Variants in TDP1 observed in about 807,000 individuals in gnomAD.
The protein encoded by TDP1 is tyrosyl-DNA phosphodiesterase 1.
A neutral mutation model predicts 81.5 loss-of-function variants in TDP1; 64 were observed. The observed-to-expected ratio is 0.79, with a 90% confidence interval of 0.64 to 0.97. The LOEUF is 0.97. Ranked by LOEUF, TDP1 falls within the 50% of genes least tolerant of loss-of-function variation. The probability of loss-of-function intolerance (pLI) is 0.00; values close to 1 mark genes in which losing one functional copy is unlikely to be tolerated. For synonymous variants in TDP1, 256 were observed against 264.3 expected, an observed-to-expected ratio of 0.97 and a Z score of 0.30; for missense variants, 723 against 743.8, an observed-to-expected ratio of 0.97 and a Z score of 0.33.
At position 89,961,938 on chromosome 14, in the gene TDP1, G is replaced by T. The variant is rs572616337; in HGVS notation, c.-7-1170G>T. On this transcript the variant is annotated intron_variant, in intron 2 of 16. Coordinates refer to ENST00000335725, the MANE Select transcript of TDP1 (RefSeq NM_018319.4). ...GTTTTGTAATTTTCCCCTGGGTCTT[G>T]TGCTAAAATGTTAAAAGTATCACAT... Among the ~76,000 whole-genome samples the T allele has an allele frequency of 6.6e-5, 10 of 152,264 alleles. No individual in the cohort carries two copies. In the South Asian group the frequency reaches 2.1e-3, roughly 32 times the overall value.
At chr14:89,998,424 GTATGTATGTATGTATGTA>G (rs1896891246) in intron 14 of TDP1, among the ~76,000 whole-genome samples, 1 of 78,534 alleles carries the variant, frequency 1.3e-5, no homozygotes, top group African/African-American at 6.3e-5. Flanking sequence ...ATATATATAT[GTATGTATGTATGTATGTA>G]TATGTATATG....
rs1473315152 is a variant in TDP1 at position 89,963,427 on chromosome 14, G to A, written c.313G>A (p.Ala105Thr). 3 of 1,614,022 alleles carry A rather than the reference G, an allele frequency of 1.9e-6. No homozygotes were observed. Among genetic ancestry groups the A allele is most frequent in the South Asian group, 2.2e-5 (2 of 91,082 alleles). The change falls in exon 3 of 17, where the codon GCT becomes ACT. Residue 105 changes from alanine to threonine, a missense_variant. Transcript: ENST00000335725. ...ELQPEMPQKQ[A>T]EKVVIKKEKD... ...GCAACCAGAAATGCCGCAGAAGCAG[G>A]CTGAGAAAGTGGTGATCAAAAAGGA...
At chr14:90,009,806 T>TGAACA (rs535547114) in intron 14 of TDP1, among the ~76,000 whole-genome samples, 1 of 152,166 alleles carries the variant, frequency 6.6e-6, no homozygotes, top group Non-Finnish European at 1.5e-5. Flanking sequence ...GATAAATTGA[T>TGAACA]GAACAGAACA....
chr14:90,019,354 A>G lies in TDP1; in HGVS notation c.1580A>G (p.Lys527Arg). Residue 527 changes from lysine to arginine, a missense_variant, in exon 15 of 17, where the codon AAG becomes AGG. Coordinates refer to ENST00000335725, the MANE Select transcript of TDP1 (RefSeq NM_018319.4). ...LSKAAWGALE[K>R]NGTQLMIRSY... ...AAGGCTGCCTGGGGAGCATTGGAGAAGAATGGCACCCAGCTGATGATCCGC... is the reference window on the plus strand; with the variant it reads ...AAGGCTGCCTGGGGAGCATTGGAGAGGAATGGCACCCAGCTGATGATCCGC... 6.2e-7 allele frequency: 1 copy of G among 1,613,240 alleles called. No individual in the cohort carries two copies. The highest frequency in any genetic ancestry group is 8.5e-7 in the Non-Finnish European group (1 of 1,179,264).
At chr14:90,005,823 T>C (rs748975846) in intron 14 of TDP1, among the ~76,000 whole-genome samples, 1 of 152,254 alleles carries the variant, frequency 6.6e-6, no homozygotes, top group Admixed American at 6.5e-5. Context: ...CTATTAAATA[T>C]ATACTCAAAT....
chr14:89,958,691 G>C (rs1566836850), intron 2 of TDP1, among the ~76,000 whole-genome samples: 2 of 152,236 alleles, frequency 1.3e-5, no homozygotes, highest in Admixed American at 6.5e-5. Flanking sequence ...CAAGTGGGAA[G>C]AGGGGTTATC....
In TDP1 at chr14:89,979,068, T is replaced by G. The variant is rs542505109; in HGVS notation, c.792-1472T>G. ...TTTTTTTGCCATGTGTGAATTGAGT[T>G]TCATCAGTAAGTATTAAGTAGCATT... On this transcript the variant is annotated intron_variant, in intron 7 of 16. Transcript: ENST00000335725. Among the ~76,000 whole-genome samples, 6 of 151,860 alleles carry G rather than the reference T, an allele frequency of 4.0e-5. No individual in the cohort carries two copies. In the East Asian group the frequency reaches 1.2e-3, roughly 29 times the overall value.
chr14:90,032,146 T>C (rs1887349453), intron 15 of TDP1, among the ~76,000 whole-genome samples: 2 of 152,180 alleles, frequency 1.3e-5, no homozygotes, highest in Non-Finnish European at 2.9e-5. Context: ...AGTCATTTAC[T>C]CAGCTTAATA....
intron 3 of TDP1, among the ~76,000 whole-genome samples, chr14:89,965,165 A>G (rs73324561): frequency 0.1 from 15,378 of 152,164 alleles, 2,042 homozygotes; most frequent in African/African-American, 0.31. Context: ...CTTCCTTAAC[A>G]ATTTTTTTGT....
intron 14 of TDP1, among the ~76,000 whole-genome samples, chr14:90,004,432 C>T (rs891287116): frequency 1.3e-5 from 2 of 152,170 alleles, no homozygotes; most frequent in Non-Finnish European, 2.9e-5. Flanking sequence ...GCTGGCCAAG[C>T]GCTTTTTTAT....
chr14:90,035,538 T>C (rs1887731399), intron 16 of TDP1, among the ~76,000 whole-genome samples: 1 of 152,026 alleles, frequency 6.6e-6, no homozygotes, highest in Non-Finnish European at 1.5e-5. Context: ...ACTTACTAAA[T>C]AGACTTGGGC....
intron 3 of TDP1, among the ~76,000 whole-genome samples, chr14:89,963,911 C>T (rs1892630579): frequency 6.6e-6 from 1 of 152,122 alleles, no homozygotes; most frequent in Admixed American, 6.5e-5. Flanking sequence ...TCACTTAGCA[C>T]GATGTTTAGC....
At chr14:90,011,898 A>G (rs565121997) in intron 14 of TDP1, among the ~76,000 whole-genome samples, 3 of 152,272 alleles carry the variant, frequency 2.0e-5, no homozygotes, top group Non-Finnish European at 2.9e-5. Context: ...AGAAATTTGC[A>G]TAAGTAATGA....
chr14:89,987,988 T>G (rs1352241002), intron 10 of TDP1, among the ~76,000 whole-genome samples: 1 of 152,150 alleles, frequency 6.6e-6, no homozygotes, highest in Admixed American at 6.5e-5. Context: ...CCTCCAGAAC[T>G]TCTGACTGAC....
chr14:89,986,912 A>C (rs1895632254), intron 10 of TDP1: 1 of 152,268 alleles, frequency 6.6e-6, no homozygotes. Context: ...TGCTCTCTCC[A>C]GCCCTCTAGG....
chr14:89,998,420 A>ATATATGTATGTATGTATG (rs1566891293), intron 14 of TDP1, among the ~76,000 whole-genome samples: 2 of 79,282 alleles, frequency 2.5e-5, no homozygotes, highest in Non-Finnish European at 2.4e-5. Context: ...ATATATATAT[A>ATATATGTATGTATGTATG]TATGTATGTA....
At position 89,971,282 on chromosome 14, in the gene TDP1, T is replaced by C; in HGVS notation, c.756+11T>C. On this transcript the variant is annotated intron_variant, in intron 6 of 16. Transcript: ENST00000335725. Reference sequence around the variant, plus strand: ...ATCTCTCTCTGCCAGGTAAGCCACTTACTGCCGTTGGAGAGCACGCGTAGT... The same window carrying C: ...ATCTCTCTCTGCCAGGTAAGCCACTCACTGCCGTTGGAGAGCACGCGTAGT... 6.2e-7 allele frequency: 1 copy of C among 1,609,024 alleles called. No individual in the cohort carries two copies. Among genetic ancestry groups the C allele is most frequent in the South Asian group, 1.1e-5 (1 of 91,016 alleles).
At chr14:90,030,771 C>CT (rs36117061) in intron 15 of TDP1, among the ~76,000 whole-genome samples, 10,537 of 145,304 alleles carry the variant, frequency 0.073, 946 homozygotes, top group African/African-American at 0.21. Flanking sequence ...CATTTTTACT[C>CT]TTTTTTTTTT....
rs781564388 is a variant in TDP1 at position 89,963,262 on chromosome 14, G to A, written c.148G>A (p.Glu50Lys). ...AANEPRYTCS[E>K]AQKAAHKRKI... is the part of the protein sequence containing the mutation. Reference sequence around the variant, plus strand: ...AAATGAGCCCAGGTACACCTGTTCCGAGGCCCAGAAAGCTGCACACAAGAG... The same window carrying A: ...AAATGAGCCCAGGTACACCTGTTCCAAGGCCCAGAAAGCTGCACACAAGAG... Residue 50 changes from glutamate (E) to lysine (K), a missense_variant, in exon 3 of 17, where the codon GAG (glutamate) becomes AAG (lysine). By Grantham distance (56) the Glu-to-Lys change is moderately conservative (BLOSUM62 1). Coordinates refer to ENST00000335725, the MANE Select transcript of TDP1 (RefSeq NM_018319.4). 21 of 1,614,138 alleles carry A rather than the reference G, an allele frequency of 1.3e-5. No individual in the cohort carries two copies. The highest frequency in any genetic ancestry group is 1.6e-4 in the Middle Eastern group (1 of 6,062).
Sources: allele counts gnomAD v4.1 joint callset (sites outside exome capture counted in the v4.1 genomes callset), GRCh38; gene constraint gnomAD v4.1.1; transcripts MANE v1.5; gene names NCBI Gene and HGNC (gene_info 2026-07-23, HGNC 2026-07-21).